PI4K2B: variants seen among roughly 807,000 people sequenced by gnomAD.
The protein encoded by PI4K2B is phosphatidylinositol 4-kinase type 2 beta.
A neutral mutation model predicts 56.6 loss-of-function variants in PI4K2B; 46 were observed. The observed-to-expected ratio is 0.81, with a 90% CI of 0.64 to 1.04. The LOEUF (loss-of-function observed/expected upper bound fraction) is 1.04, where lower values mean the gene tolerates loss of function less well. PI4K2B is among the 50% of genes least tolerant of loss of function. The pLI is 0.00. For synonymous variants in PI4K2B, 211 were observed against 223.8 expected, an observed-to-expected ratio of 0.94 and a Z score of 0.51; for missense variants, 556 against 607.7, an observed-to-expected ratio of 0.91 and a Z score of 0.89.
rs186685951 is a variant in PI4K2B at position 25,239,903 on chromosome 4, G to A, written c.268+5472G>A. On this transcript the variant is annotated intron_variant, in intron 1 of 9. Coordinates refer to ENST00000264864, the MANE Select transcript of PI4K2B (RefSeq NM_018323.4). Reference sequence around the variant, plus strand: ...GCAATGAAGTGGCCCTGCAGTTTTAGTGTCCTCCAGAGGGGAGCTCTCTAG... The same window carrying A: ...GCAATGAAGTGGCCCTGCAGTTTTAATGTCCTCCAGAGGGGAGCTCTCTAG... Among the ~76,000 whole-genome samples, 14 of 152,356 alleles carry A rather than the reference G, an allele frequency of 9.2e-5. No homozygotes were observed. In the East Asian group the frequency reaches 2.7e-3, roughly 29 times the overall value.
At chr4:25,246,350 T>G (rs920876081) in intron 1 of PI4K2B, among the ~76,000 whole-genome samples, 4 of 152,174 alleles carry the variant, frequency 2.6e-5, no homozygotes, top group Admixed American at 1.3e-4. Flanking sequence ...TGGTCCGTTT[T>G]GACAGGGTGC....
Position 25,278,483 on chromosome 4 carries a change from A to G in PI4K2B, c.*1296A>G, listed in dbSNP as rs1290461406. 6.6e-6 allele frequency: 1 copy of G among 152,432 alleles called. No homozygotes were observed. The highest frequency in any genetic ancestry group is 2.4e-5 in the African/African-American group (1 of 41,452). 9.4% of individuals were successfully genotyped at this position (152,432 alleles called of 1,614,324 possible). A position where few individuals can be genotyped will look rare whatever the true frequency, so the allele number is the denominator to read the frequency against. ...TTGCTTTTAATGAAGTATTTTGTGTAGAAGGTTAAATTAGGATGCAAAACA... is the reference window on the plus strand; with the variant it reads ...TTGCTTTTAATGAAGTATTTTGTGTGGAAGGTTAAATTAGGATGCAAAACA... On this transcript the variant is annotated 3_prime_UTR_variant, in exon 10 of 10. Coordinates refer to ENST00000264864, the MANE Select transcript of PI4K2B (RefSeq NM_018323.4).
intron 1 of PI4K2B, among the ~76,000 whole-genome samples, chr4:25,237,171 C>G (rs774861530): frequency 2.0e-5 from 3 of 152,200 alleles, no homozygotes; most frequent in Non-Finnish European, 4.4e-5. Flanking sequence ...GTTGTTGGAT[C>G]AGTGTCAAAG....
At chr4:25,268,885 T>C (rs190108285) in intron 8 of PI4K2B, among the ~76,000 whole-genome samples, 538 of 152,342 alleles carry the variant, frequency 3.5e-3, no homozygotes, top group Middle Eastern at 6.8e-3. Context: ...TTTAGTTCTC[T>C]TAAAAAGCCT....
intron 9 of PI4K2B, among the ~76,000 whole-genome samples, chr4:25,270,389 A>G (rs1170170423): frequency 1.3e-5 from 2 of 151,274 alleles, no homozygotes; most frequent in Admixed American, 1.3e-4. Context: ...CCTGTCGCCC[A>G]GGCTGGAGTG....
intron 2 of PI4K2B, among the ~76,000 whole-genome samples, chr4:25,252,702 A>T (rs1262322913): frequency 6.6e-6 from 1 of 152,048 alleles, no homozygotes; most frequent in Admixed American, 6.5e-5. Context: ...AACCTTGACC[A>T]CCTGGGCTCA....
At chr4:25,243,554 G>T (rs1002392375) in intron 1 of PI4K2B, among the ~76,000 whole-genome samples, 1 of 152,192 alleles carries the variant, frequency 6.6e-6, no homozygotes, top group Non-Finnish European at 1.5e-5. Context: ...GAGGTTGCCA[G>T]GTTTAATAAT....
chr4:25,234,042 C>A lies in PI4K2B; in HGVS notation c.-122C>A. ...CCGCTGGGCGGGCGCCAAGCGTGCCCGTGCGCTGGTGAGGTGGCGTCCGTT... is the reference window on the plus strand; with the variant it reads ...CCGCTGGGCGGGCGCCAAGCGTGCCAGTGCGCTGGTGAGGTGGCGTCCGTT... On this transcript the variant is annotated 5_prime_UTR_variant, in exon 1 of 10. Coordinates refer to ENST00000264864, the MANE Select transcript of PI4K2B (RefSeq NM_018323.4). 3.5e-6 allele frequency: 3 copies of A among 869,108 alleles called. No homozygotes were observed. The highest frequency in any genetic ancestry group is 4.6e-6 in the Non-Finnish European group (3 of 657,324). 53.8% of individuals were successfully genotyped at this position (869,108 alleles called of 1,614,324 possible). A position where few individuals can be genotyped will look rare whatever the true frequency, so the allele number is the denominator to read the frequency against.
chr4:25,235,695 A>C (rs1715232747), intron 1 of PI4K2B, among the ~76,000 whole-genome samples: 1 of 152,238 alleles, frequency 6.6e-6, no homozygotes, highest in African/African-American at 2.4e-5. Context: ...TATGTTACTT[A>C]GAATTTAGTC....
chr4:25,239,242 C>T (rs1222999340), intron 1 of PI4K2B, among the ~76,000 whole-genome samples: 2 of 152,226 alleles, frequency 1.3e-5, no homozygotes, highest in Admixed American at 6.5e-5. Flanking sequence ...CTTGCGCCCA[C>T]ACTCCTCAGC....
rs939472237 is a variant in PI4K2B, at chr4:25,255,210, C to T, written c.569C>T (p.Ala190Val). ...LIPNQGYLSE[A>V]GAYLVDNKLH... Reference sequence around the variant, plus strand: ...CCTAATCAGGGGTACCTTTCCGAAGCGGGTGCCTATCTTGTGGACAACAAG... The same window carrying T: ...CCTAATCAGGGGTACCTTTCCGAAGTGGGTGCCTATCTTGTGGACAACAAG... The change falls in exon 3 of 10, where the codon GCG becomes GTG. Residue 190 changes from alanine (A) to valine (V), a missense_variant. Transcript: ENST00000264864. 4 of 1,614,110 alleles carry T rather than the reference C, an allele frequency of 2.5e-6. No homozygotes were observed. Among genetic ancestry groups the T allele is most frequent in the East Asian group, 2.2e-5 (1 of 44,870 alleles).
chr4:25,255,163 C>T lies in PI4K2B; in HGVS notation c.522C>T (p.Cys174=), dbSNP rs1450357413. The T allele has an allele frequency of 1.2e-6, 2 of 1,613,964 alleles. No homozygotes were observed. The highest frequency in any genetic ancestry group is 1.7e-6 in the Non-Finnish European group (2 of 1,179,952). The part of the protein sequence containing the change: ...KYVHKVCCPC[C]FGRGCLIPNQ... ...TCCATAAGGTCTGCTGCCCTTGCTG[C>T]TTTGGCCGAGGCTGCCTGATTCCTA... Residue 174 remains cysteine (C), a synonymous_variant, in exon 3 of 10, where the codon TGC becomes TGT. Transcript: ENST00000264864.
chr4:25,256,174 C>T (rs1475548730), intron 3 of PI4K2B, among the ~76,000 whole-genome samples: 3 of 152,182 alleles, frequency 2.0e-5, no homozygotes, highest in South Asian at 2.1e-4. Context: ...TGCCACAGCC[C>T]CCCAGAGTGT....
chr4:25,270,906 G>C (rs1228797793), intron 9 of PI4K2B, among the ~76,000 whole-genome samples: 1 of 152,134 alleles, frequency 6.6e-6, no homozygotes, highest in Non-Finnish European at 1.5e-5. Context: ...AATACCTGTA[G>C]CAAAGAAGTA....
intron 1 of PI4K2B, among the ~76,000 whole-genome samples, chr4:25,249,328 C>T (rs1715932063): frequency 6.6e-6 from 1 of 152,148 alleles, no homozygotes; most frequent in African/African-American, 2.4e-5. Context: ...CTGTTGGGTA[C>T]ACCTCCCAGA....
At chr4:25,237,375 G>A (rs1236337664) in intron 1 of PI4K2B, among the ~76,000 whole-genome samples, 1 of 150,920 alleles carries the variant, frequency 6.6e-6, no homozygotes, top group East Asian at 1.9e-4. Flanking sequence ...GTGGGTGGCT[G>A]TAGGGGTGGC....
At position 25,263,737 on chromosome 4, in the gene PI4K2B, T is replaced by C. The variant is rs751982065; in HGVS notation, c.979-13T>C. 3.1e-6 allele frequency: 3 copies of C among 967,206 alleles called. No homozygotes were observed. Among genetic ancestry groups the C allele is most frequent in the Non-Finnish European group, 4.9e-6 (3 of 606,760 alleles). The allele number at this position is 967,206 out of a possible 1,614,324, so 59.9% of individuals were successfully genotyped here. ...AGGTTCTTTTATCAACATATCATTT[T>C]TCTACTCTATAGGAATCAAAATGGA... On this transcript the variant is annotated splice_polypyrimidine_tract_variant and intron_variant, in intron 6 of 9. Coordinates refer to ENST00000264864, the MANE Select transcript of PI4K2B (RefSeq NM_018323.4).
intron 1 of PI4K2B, among the ~76,000 whole-genome samples, chr4:25,247,264 C>T (rs1560369447): frequency 1.3e-5 from 2 of 152,240 alleles, no homozygotes; most frequent in Non-Finnish European, 2.9e-5. Flanking sequence ...TGTGTTTTGA[C>T]CATTTTCCAT....
intron 4 of PI4K2B, 59 bp downstream of exon 4, chr4:25,256,733 T>G: frequency 2.7e-5 from 40 of 1,467,190 alleles, no homozygotes; most frequent in Non-Finnish European, 3.7e-5. Flanking sequence ...TCCTGAGCTC[T>G]AGGAGCCAGG....
Sources: gnomAD v4.1 joint callset for allele counts (sites outside exome capture counted in the v4.1 genomes callset) on GRCh38, gnomAD v4.1.1 for gene constraint, MANE v1.5 for transcripts, NCBI Gene and HGNC (gene_info 2026-07-23, HGNC 2026-07-21) for gene names.